The following GRM6 variants were observed in gnomAD, a reference collection of about 807,000 sequenced individuals.
GRM6 encodes metabotropic glutamate receptor 6.
In GRM6, 73 loss-of-function variants were observed where a neutral mutation model predicts 78.4. The ratio of observed to expected loss-of-function variants is 0.93; its 90% confidence interval spans 0.77 to 1.13. GRM6 has a LOEUF of 1.13. Among genes scored for constraint, GRM6 ranks in the 50% most tolerant of loss-of-function variants. GRM6 has a pLI of 0.00. For missense variants in GRM6, 1,251 were observed against 1,256.4 expected (o/e 1.00, Z 0.07); for synonymous variants, 580 against 555.0 (o/e 1.05, Z -0.63).
Position 178,994,728 on chromosome 5 carries a change from G to T in GRM6, c.217C>A (p.Leu73Met). 6.8e-7 allele frequency: 1 copy of T among 1,463,778 alleles called. No individual in the cohort carries two copies. The highest frequency in any genetic ancestry group is 9.0e-7 in the Non-Finnish European group (1 of 1,109,662). 90.7% of individuals were successfully genotyped at this position (1,463,778 alleles called of 1,614,324 possible). ...EQGVHRLEAMLYALDRVNADP... is the reference protein window; with the variant it reads ...EQGVHRLEAMMYALDRVNADP... Reference sequence around the variant, plus strand: ...GCGTTGACGCGGTCCAGCGCGTACAGCATGGCCTCCAGCCGGTGCACGCCC... The same window carrying T: ...GCGTTGACGCGGTCCAGCGCGTACATCATGGCCTCCAGCCGGTGCACGCCC... Residue 73 changes from leucine (L) to methionine (M), a missense_variant, in exon 2 of 11, where the codon CTG (leucine) becomes ATG (methionine). Coordinates refer to ENST00000517717, the MANE Select transcript of GRM6 (RefSeq NM_000843.4).
Position 178,992,419 on chromosome 5 carries a change from C to A in GRM6, c.505-336G>T. On this transcript the variant is annotated intron_variant, in intron 2 of 10. Transcript: ENST00000517717. This position sits in a 1 kb window ranked among gnomAD's most constrained non-coding sequence, Gnocchi z 4.9. The stretch of plus-strand genomic sequence containing the variant: ...GACCCCCAGCAGAGGGCCTGCAGCC[C>A]ATCCAGCTGCATCTGCCTGTCCTAG... 1 of 438,706 alleles carries A rather than the reference C, an allele frequency of 2.3e-6. No homozygotes were observed. The highest frequency in any genetic ancestry group is 1.8e-5 in the South Asian group (1 of 55,120). 27.2% of individuals were successfully genotyped at this position (438,706 alleles called of 1,614,324 possible).
At position 178,981,010 on chromosome 5, in the gene GRM6, G is replaced by A. The variant is rs151318546; in HGVS notation, c.*647C>T. 3.6e-3 allele frequency: 557 copies of A among 153,728 alleles called. 6 individuals carry two copies. The highest frequency in any genetic ancestry group is 5.3e-3 in the South Asian group (26 of 4,872). 9.5% of individuals were successfully genotyped at this position (153,728 alleles called of 1,614,324 possible). A position where few individuals can be genotyped will look rare whatever the true frequency, so the allele number is the denominator to read the frequency against. On this transcript the variant is annotated 3_prime_UTR_variant, in exon 11 of 11. Transcript: ENST00000517717. The surrounding 1 kb of genome is among the most constrained non-coding windows in gnomAD (Gnocchi z 5.1). ...TCTAAGTCTGACCTTGCCCAATCCC[G>A]GGGGGATGGGGGAAAGCCCATGGCA...
chr5:178,993,884 T>C (rs922286795), intron 2 of GRM6, among the ~76,000 whole-genome samples: 4 of 152,144 alleles, frequency 2.6e-5, no homozygotes, highest in Non-Finnish European at 4.4e-5. Flanking sequence ...TGCTCTCAGA[T>C]GCCCCTTGAG....
chr5:178,983,356 G>T, intron 9 of GRM6, 135 bp from the exon 10 acceptor site: 1 of 806,678 alleles, frequency 1.2e-6, no homozygotes, highest in Non-Finnish European at 2.1e-6. Context: ...TCTTCGTGGT[G>T]GCTCTCAGGA....
At position 178,986,320 on chromosome 5, in the gene GRM6, G is replaced by C. The variant is rs1760545998; in HGVS notation, c.1934C>G (p.Pro645Arg). Residue 645 changes from proline to arginine, a missense_variant, in exon 9 of 11, where the codon CCT (proline) becomes CGT (arginine). By Grantham distance (103) the Pro-to-Arg change is moderately radical. Coordinates refer to ENST00000517717, the MANE Select transcript of GRM6 (RefSeq NM_000843.4). ...YAITFLMVAE[P>R]GAAVCAARRL... The stretch of plus-strand genomic sequence containing the variant: ...GCGGGCGGCACAGACCGCGGCCCCA[G>C]GCTCAGCCACCATGAGGAAGGTGAT... 2 of 1,614,144 alleles carry C rather than the reference G, an allele frequency of 1.2e-6. No homozygotes were observed. The highest frequency in any genetic ancestry group is 1.7e-6 in the Non-Finnish European group (2 of 1,180,024).
At chr5:178,994,187 A>C (rs1311204117) in intron 2 of GRM6, among the ~76,000 whole-genome samples, 1 of 152,174 alleles carries the variant, frequency 6.6e-6, no homozygotes, top group Non-Finnish European at 1.5e-5. Context: ...CCAACCGGCC[A>C]GAGGCGTAGG....
At chr5:178,985,641 T>G (rs1345151068) in intron 9 of GRM6, 62 of 375,078 alleles carry the variant, frequency 1.7e-4, no homozygotes, top group South Asian at 1.1e-3. Context: ...AGGCAGAGCT[T>G]GCAGGGAGCT....
At position 178,988,855 on chromosome 5, in the gene GRM6, T is replaced by C. The variant is rs1353358664; in HGVS notation, c.1354+80A>G. 4 of 1,180,262 alleles carry C rather than the reference T, an allele frequency of 3.4e-6. No individual in the cohort carries two copies. In the Admixed American group the frequency reaches 5.7e-5, roughly 17 times the overall value. 73.1% of individuals were successfully genotyped at this position (1,180,262 alleles called of 1,614,324 possible). A position where few individuals can be genotyped will look rare whatever the true frequency, so the allele number is the denominator to read the frequency against. ...TCAGCCTCACCCAGCCCTTCCACCC[T>C]GAGGTTGTCCCAGGCCTCACAGCAA... On this transcript the variant is annotated intron_variant, in intron 7 of 10. Coordinates refer to ENST00000517717, the MANE Select transcript of GRM6 (RefSeq NM_000843.4). This position sits in a 1 kb window ranked among gnomAD's most constrained non-coding sequence, Gnocchi z 6.0.
At chr5:178,987,679 A>C (rs1760594891) in intron 7 of GRM6, among the ~76,000 whole-genome samples, 1 of 152,174 alleles carries the variant, frequency 6.6e-6, no homozygotes. Context: ...GAAGTGTTTA[A>C]TGCATACAGA....
Position 178,980,056 on chromosome 5 carries a change from A to T in GRM6, c.*1601T>A, listed in dbSNP as rs1760361472. The T allele has an allele frequency of 6.5e-6, 1 of 154,430 alleles. No individual in the cohort carries two copies. The highest frequency in any genetic ancestry group is 2.0e-4 in the South Asian group (1 of 4,930). The allele number at this position is 154,430 out of a possible 1,614,324, so 9.6% of individuals were successfully genotyped here. On this transcript the variant is annotated 3_prime_UTR_variant, in exon 11 of 11. Transcript: ENST00000517717. This position sits in a 1 kb window ranked among gnomAD's most constrained non-coding sequence, Gnocchi z 4.3. ...AGAAGGAGAGTCAGTAGCGCAACAG[A>T]AATGTTTCTCAGAGGAGAAGCTTTT...
Position 178,994,501 on chromosome 5 carries a change from G to A in GRM6, c.444C>T (p.Val148=), listed in dbSNP as rs1382947300. 9 of 1,432,762 alleles carry A rather than the reference G, an allele frequency of 6.3e-6. No homozygotes were observed. Among genetic ancestry groups the A allele is most frequent in the Non-Finnish European group, 7.3e-6 (8 of 1,097,820 alleles). The allele number at this position is 1,432,762 out of a possible 1,614,324, so 88.8% of individuals were successfully genotyped here. A position where few individuals can be genotyped will look rare whatever the true frequency, so the allele number is the denominator to read the frequency against. Residue 148 remains valine (V), a synonymous_variant, in exon 2 of 11, where the codon GTC becomes GTT. Transcript: ENST00000517717. Reference sequence around the variant, plus strand: ...AGACGGAGCTGGCCGAGGCGCCCACGACGGCCACGACGCGCTCGGGGGGCG... The same window carrying A: ...AGACGGAGCTGGCCGAGGCGCCCACAACGGCCACGACGCGCTCGGGGGGCG... ...RPAPPERVVA[V]VGASASSVSI... is the part of the protein sequence containing the mutation.
chr5:178,994,660 C>T lies in GRM6; in HGVS notation c.285G>A (p.Leu95=). The T allele has an allele frequency of 1.4e-6, 2 of 1,466,848 alleles. No individual in the cohort carries two copies. Among genetic ancestry groups the T allele is most frequent in the Non-Finnish European group, 1.8e-6 (2 of 1,112,230 alleles). The allele number at this position is 1,466,848 out of a possible 1,614,324, so 90.9% of individuals were successfully genotyped here. A position where few individuals can be genotyped will look rare whatever the true frequency, so the allele number is the denominator to read the frequency against. The part of the protein sequence containing the change: ...LLPGVRLGAR[L]LDTCSRDTYA... The stretch of plus-strand genomic sequence containing the variant: ...AGGTGTCCCGCGAGCAGGTGTCCAG[C>T]AGCCGCGCGCCCAGGCGCACGCCGG... Residue 95 remains leucine (L), a synonymous_variant, in exon 2 of 11, where the codon CTG becomes CTA. Transcript: ENST00000517717.
Position 178,982,954 on chromosome 5 carries a change from C to T in GRM6, c.2392G>A (p.Ala798Thr). The change falls in exon 10 of 11, where the codon GCA (alanine) becomes ACA (threonine). Residue 798 changes from alanine (A) to threonine (T), a missense_variant. Coordinates refer to ENST00000517717, the MANE Select transcript of GRM6 (RefSeq NM_000843.4). Reference sequence around the variant, plus strand: ...GTGCCAAAGAAGATGGGCACGAATGCCAGCCAGATGATGCAGGTGGTGTAC... The same window carrying T: ...GTGCCAAAGAAGATGGGCACGAATGTCAGCCAGATGATGCAGGTGGTGTAC... ...TMYTTCIIWLAFVPIFFGTAQ... is the reference protein window; with the variant it reads ...TMYTTCIIWLTFVPIFFGTAQ... The T allele has an allele frequency of 1.2e-6, 2 of 1,614,188 alleles. No individual in the cohort carries two copies. The highest frequency in any genetic ancestry group is 2.2e-5 in the East Asian group (1 of 44,882).
intron 9 of GRM6, among the ~76,000 whole-genome samples, chr5:178,984,012 C>A (rs546141960): frequency 6.6e-6 from 1 of 152,348 alleles, no homozygotes; most frequent in East Asian, 1.9e-4. Flanking sequence ...GGAAGGGATG[C>A]TTTGCAGTCA....
chr5:178,983,852 A>G (rs151099928), intron 9 of GRM6, among the ~76,000 whole-genome samples: 1,741 of 152,302 alleles, frequency 0.011, 27 homozygotes, highest in African/African-American at 0.04. Context: ...CCACCTGCAT[A>G]AAGGCGGGAC....
chr5:178,993,826 G>A (rs909641302), intron 2 of GRM6, among the ~76,000 whole-genome samples: 4 of 152,192 alleles, frequency 2.6e-5, no homozygotes, highest in Non-Finnish European at 5.9e-5. Flanking sequence ...GGGCACCTGC[G>A]CAGGGCAGGG....
chr5:178,991,535 A>C lies in GRM6; in HGVS notation c.746T>G (p.Ile249Ser). Residue 249 changes from isoleucine (I) to serine (S), a missense_variant, in exon 4 of 11, where the codon ATC (isoleucine) becomes AGC (serine). Transcript: ENST00000517717. This position sits in a 1 kb window ranked among gnomAD's most constrained non-coding sequence, Gnocchi z 5.0. The part of the protein sequence containing the change: ...EAGGVCIAQS[I>S]KIPREPKPGE... ...TGGCTTTGGTTCCCTGGGAATCTTGATAGACTGGGCAATACAGACCCCCCC... is the reference window on the plus strand; with the variant it reads ...TGGCTTTGGTTCCCTGGGAATCTTGCTAGACTGGGCAATACAGACCCCCCC... 2 of 1,613,798 alleles carry C rather than the reference A, an allele frequency of 1.2e-6. No homozygotes were observed. The highest frequency in any genetic ancestry group is 2.2e-5 in the South Asian group (2 of 91,056).
intron 9 of GRM6, chr5:178,983,703 G>A (rs1300533338): frequency 8.4e-6 from 3 of 356,180 alleles, no homozygotes; most frequent in Non-Finnish European, 1.7e-5. Context: ...ACTCAGTGGG[G>A]AGGAGCAGGA....
rs139745015 is a variant in GRM6, at chr5:178,986,949, G to A, written c.1389C>T (p.Asn463=). ...SAGTPVMFNE[N]GDAPGRYDIF... ...TGTCGTACCGCCCGGGCGCATCTCC[G>A]TTCTCGTTGAACATCACAGGGGTTC... Residue 463 remains asparagine (N), a synonymous_variant, in exon 8 of 11, where the codon AAC becomes AAT. Coordinates refer to ENST00000517717, the MANE Select transcript of GRM6 (RefSeq NM_000843.4). The A allele has an allele frequency of 1.5e-4, 250 of 1,613,958 alleles. 1 individual carries two copies. The highest frequency in any genetic ancestry group is 7.8e-4 in the South Asian group (71 of 91,048).
Sources: gnomAD v4.1 joint callset for allele counts (sites outside exome capture counted in the v4.1 genomes callset) on GRCh38, gnomAD v4.1.1 for gene constraint, Gnocchi (gnomAD v3.1) non-coding constraint, MANE v1.5 for transcripts, NCBI Gene and HGNC (gene_info 2026-07-23, HGNC 2026-07-21) for gene names.